The following CNTN4 variants were observed in gnomAD, a reference collection of about 807,000 sequenced individuals.
The protein encoded by CNTN4 is contactin 4, also known as contactin-4.
In CNTN4, 77 loss-of-function variants were observed where a neutral mutation model predicts 122.5. The observed-to-expected ratio is 0.63, with a 90% CI of 0.52 to 0.76. The LOEUF (loss-of-function observed/expected upper bound fraction) is 0.76, where lower values mean the gene tolerates loss of function less well. Among genes scored for constraint, CNTN4 ranks in the 30% least tolerant of loss-of-function variants. The pLI is 0.00. For missense variants in CNTN4, 1,256 were observed against 1,259.1 expected (o/e 1.00, Z 0.04); for synonymous variants, 512 against 447.0 (o/e 1.15, Z -1.83).
At chr3:2,924,962 G>T (rs567510250) in intron 12 of CNTN4, among the ~76,000 whole-genome samples, 2 of 151,918 alleles carry the variant, frequency 1.3e-5, no homozygotes, top group African/African-American at 4.8e-5. Flanking sequence ...ATCTTATGGC[G>T]TTCCTAATTT....
At position 2,979,425 on chromosome 3, in the gene CNTN4, G is replaced by A. The variant is rs139590508; in HGVS notation, c.1359-8920G>A. 4.3e-3 allele frequency among the ~76,000 whole-genome samples: 651 copies of A among 152,248 alleles called. 4 individuals are homozygous for A. Among genetic ancestry groups the A allele is most frequent in the Non-Finnish European group, 7.8e-3 (534 of 68,032 alleles). On this transcript the variant is annotated intron_variant, in intron 13 of 24. Transcript: ENST00000418658. ...CCATCTTAGAAAAATGGGGCTACTT[G>A]GTGACAGTAGCAGTAATTATTTTAA...
intron 13 of CNTN4, among the ~76,000 whole-genome samples, chr3:2,976,876 T>C (rs1367235987): frequency 6.6e-6 from 1 of 152,170 alleles, no homozygotes; most frequent in Non-Finnish European, 1.5e-5. Context: ...TCTTTTTTTT[T>C]TTTTCTTTTC....
At chr3:2,445,572 G>C (rs1282524127) in intron 3 of CNTN4, among the ~76,000 whole-genome samples, 6 of 151,996 alleles carry the variant, frequency 3.9e-5, no homozygotes, top group African/African-American at 1.4e-4. Flanking sequence ...AATTCTCTTT[G>C]CTTGAATTAT....
intron 2 of CNTN4, among the ~76,000 whole-genome samples, chr3:2,202,056 A>G (rs1397659607): frequency 6.6e-6 from 1 of 152,184 alleles, no homozygotes; most frequent in Admixed American, 6.6e-5. Context: ...CTCATCTACT[A>G]GAGTCACTTG....
At chr3:2,801,440 T>C (rs1344990351) in intron 6 of CNTN4, among the ~76,000 whole-genome samples, 1 of 152,218 alleles carries the variant, frequency 6.6e-6, no homozygotes, top group Non-Finnish European at 1.5e-5. Flanking sequence ...AGTAATAACA[T>C]AGCTGAACCA....
chr3:2,644,612 TAGA>T (rs2083038581), intron 4 of CNTN4, among the ~76,000 whole-genome samples: 1 of 151,380 alleles, frequency 6.6e-6, no homozygotes, highest in Non-Finnish European at 1.5e-5. Context: ...CACAAGACTA[TAGA>T]AGAACTGGAT....
chr3:2,897,063 G>C (rs2094123312), intron 10 of CNTN4, among the ~76,000 whole-genome samples: 2 of 151,238 alleles, frequency 1.3e-5, no homozygotes, highest in African/African-American at 4.9e-5. Flanking sequence ...AAATACTCCT[G>C]AGAATTGTTT....
At chr3:2,249,817 C>T (rs2040306072) in intron 2 of CNTN4, among the ~76,000 whole-genome samples, 1 of 151,836 alleles carries the variant, frequency 6.6e-6, no homozygotes, top group Non-Finnish European at 1.5e-5. Context: ...TAGACCTTTT[C>T]TTTAAAACAA....
intron 6 of CNTN4, among the ~76,000 whole-genome samples, chr3:2,797,370 AG>A (rs1386316391): frequency 1.3e-5 from 2 of 152,180 alleles, no homozygotes; most frequent in African/African-American, 4.8e-5. Context: ...AGGCCAAGTC[AG>A]GTGGATTACC....
intron 2 of CNTN4, among the ~76,000 whole-genome samples, chr3:2,116,655 C>T (rs1023625069): frequency 6.6e-5 from 10 of 152,094 alleles, no homozygotes; most frequent in Admixed American, 3.9e-4. Flanking sequence ...AGAGGAAATT[C>T]AGGATTTTAA....
intron 2 of CNTN4, among the ~76,000 whole-genome samples, chr3:2,188,368 C>T (rs1375531723): frequency 6.6e-6 from 1 of 152,132 alleles, no homozygotes; most frequent in African/African-American, 2.4e-5. Context: ...GTCCAAGTTG[C>T]TTCCTCATCT....
chr3:2,833,295 C>T (rs570490056), intron 7 of CNTN4, among the ~76,000 whole-genome samples: 14 of 152,256 alleles, frequency 9.2e-5, no homozygotes, highest in African/African-American at 3.4e-4. Flanking sequence ...ATCTGCAATG[C>T]AGACTCAGTA....
intron 3 of CNTN4, among the ~76,000 whole-genome samples, chr3:2,444,772 T>G (rs1457937867): frequency 2.0e-5 from 3 of 152,214 alleles, no homozygotes; most frequent in Non-Finnish European, 4.4e-5. Flanking sequence ...GTCAGACAGA[T>G]GAACTAATGT....
intron 2 of CNTN4, among the ~76,000 whole-genome samples, chr3:2,115,823 C>T (rs1325009685): frequency 6.6e-6 from 1 of 152,188 alleles, no homozygotes; most frequent in African/African-American, 2.4e-5. Flanking sequence ...TTCATAAGAT[C>T]AACACCTAAA....
intron 7 of CNTN4, among the ~76,000 whole-genome samples, chr3:2,838,837 C>T (rs753159672): frequency 5.9e-5 from 9 of 152,170 alleles, no homozygotes; most frequent in Admixed American, 3.3e-4. Flanking sequence ...TGGACTGTCC[C>T]GCCGTAAGCT....
At chr3:2,311,418 A>G (rs2042910723) in intron 2 of CNTN4, among the ~76,000 whole-genome samples, 2 of 152,168 alleles carry the variant, frequency 1.3e-5, no homozygotes, top group South Asian at 4.1e-4. Context: ...ATCATACTTG[A>G]CAAGAAGCAT....
intron 13 of CNTN4, among the ~76,000 whole-genome samples, chr3:2,957,695 G>C (rs1577399704): frequency 6.6e-6 from 1 of 151,958 alleles, no homozygotes; most frequent in African/African-American, 2.4e-5. Flanking sequence ...GTGGTGTTTT[G>C]TTTTCTATTT....
intron 3 of CNTN4, among the ~76,000 whole-genome samples, chr3:2,405,285 C>G (rs2046993645): frequency 6.6e-6 from 1 of 151,992 alleles, no homozygotes; most frequent in African/African-American, 2.4e-5. Flanking sequence ...TAATGACAAC[C>G]CAGTAGCAAT....
At chr3:2,457,806 C>T (rs890276329) in intron 3 of CNTN4, among the ~76,000 whole-genome samples, 5 of 152,160 alleles carry the variant, frequency 3.3e-5, no homozygotes, top group Non-Finnish European at 5.9e-5. Context: ...CAATGCCCTT[C>T]TCAAGGTACG....
Sources: allele counts gnomAD v4.1 joint callset (sites outside exome capture counted in the v4.1 genomes callset), GRCh38; gene constraint gnomAD v4.1.1; transcripts MANE v1.5; gene names NCBI Gene and HGNC (gene_info 2026-07-23, HGNC 2026-07-21).